The following LMBRD1 variants were observed in gnomAD, a reference collection of about 807,000 sequenced individuals.
The protein encoded by LMBRD1 is lysosomal cobalamin transport escort protein LMBD1.
In LMBRD1, 64 loss-of-function variants were observed where a neutral mutation model predicts 74.8. The ratio of observed to expected loss-of-function variants is 0.86; its 90% CI spans 0.70 to 1.05. The LOEUF (loss-of-function observed/expected upper bound fraction) is 1.05, where lower values mean the gene tolerates loss of function less well. Ranked by LOEUF, LMBRD1 falls within the 50% of genes least tolerant of loss-of-function variation. The pLI is 0.00. For synonymous variants in LMBRD1, 204 were observed against 216.3 expected (o/e 0.94, Z 0.50); for missense variants, 652 against 645.9 (o/e 1.01, Z -0.10).
rs1490146513 is a variant in LMBRD1, at chr6:69,726,719, C to T, written c.637-7638G>A. 2.7e-5 allele frequency among the ~76,000 whole-genome samples: 4 copies of T among 148,782 alleles called. No individual in the cohort carries two copies. The East Asian group carries it at 7.9e-4, about 29-fold the overall frequency. On this transcript the variant is annotated intron_variant, in intron 7 of 15. Transcript: ENST00000649934. ...GAAACAGAGAATTGAAGGATGGTTA[C>T]TAGAGGCTGGGAAGGGTAGTGAGGC...
intron 14 of LMBRD1, among the ~76,000 whole-genome samples, chr6:69,677,277 C>T (rs1765565777): frequency 6.6e-6 from 1 of 152,164 alleles, no homozygotes; most frequent in Non-Finnish European, 1.5e-5. Flanking sequence ...ACAGCATCCC[C>T]TCCTTCAAGG....
chr6:69,785,317 A>T (rs1297990605), intron 2 of LMBRD1, among the ~76,000 whole-genome samples: 1 of 152,178 alleles, frequency 6.6e-6, no homozygotes, highest in Admixed American at 6.5e-5. Context: ...CAGTCTTCCC[A>T]GCTGCTAGTC....
intron 6 of LMBRD1, 43 bp downstream of exon 6, chr6:69,741,746 G>T: frequency 8.5e-7 from 1 of 1,175,146 alleles, no homozygotes. Context: ...CAAAGTATCA[G>T]GAAATATAAA....
In LMBRD1 at chr6:69,701,497, A is replaced by T; in HGVS notation, c.1029T>A (p.Ile343=). Residue 343 remains isoleucine (I), a synonymous_variant, in exon 11 of 16, where the codon ATT becomes ATA. Transcript: ENST00000649934. ...GTGGATTACTCAGGTTAGCTCCAAA[A>T]ATTATGAAACCAGAATCTATTCCAG... ...HSAGIDSGFI[I]FGANLSNPLN... 1 of 1,608,970 alleles carries T rather than the reference A, an allele frequency of 6.2e-7. No homozygotes were observed.
rs535602194 is a variant in LMBRD1, at chr6:69,689,871, C to A, written c.1417+7692G>T. Among the ~76,000 whole-genome samples the A allele has an allele frequency of 3.3e-5, 5 of 152,096 alleles. No homozygotes were observed. The South Asian group carries it at 1.0e-3, about 32-fold the overall frequency. On this transcript the variant is annotated intron_variant, in intron 14 of 15. Coordinates refer to ENST00000649934, the MANE Select transcript of LMBRD1 (RefSeq NM_018368.4). Reference sequence around the variant, plus strand: ...GATATGCTGGAGTAGACAGGTAAATCTGAAAAATAACGAGAGAGAAAGCAG... The same window carrying A: ...GATATGCTGGAGTAGACAGGTAAATATGAAAAATAACGAGAGAGAAAGCAG...
At position 69,770,467 on chromosome 6, in the gene LMBRD1, T is replaced by C. The variant is rs978092670; in HGVS notation, c.307+10027A>G. 1.3e-5 allele frequency among the ~76,000 whole-genome samples: 2 copies of C among 152,198 alleles called. 1 individual carries two copies. The highest frequency in any genetic ancestry group is 4.1e-4 in the South Asian group (2 of 4,832). On this transcript the variant is annotated intron_variant, in intron 3 of 15. Transcript: ENST00000649934. Reference sequence around the variant, plus strand: ...TGTTTTCTGTTCAGTTTTGTCCAACTTCATATTTGTTTTCTGGTGAGAGAA... The same window carrying C: ...TGTTTTCTGTTCAGTTTTGTCCAACCTCATATTTGTTTTCTGGTGAGAGAA...
chr6:69,749,894 T>TATATGTG lies in LMBRD1; in HGVS notation c.406-487_406-486insCACATAT, dbSNP rs1354043857. ...TAAGTATATATACACATATACATAC[T>TATATGTG]CATATATACATATATAAGTATATAT... On this transcript the variant is annotated intron_variant, in intron 4 of 15. Coordinates refer to ENST00000649934, the MANE Select transcript of LMBRD1 (RefSeq NM_018368.4). 2.8e-3 allele frequency among the ~76,000 whole-genome samples: 328 copies of TATATGTG among 115,658 alleles called. 39 individuals are homozygous for TATATGTG. The highest frequency in any genetic ancestry group is 0.016 in the African/African-American group (277 of 17,078). The allele number at this position is 115,658 out of a possible 152,430, so 75.9% of individuals were successfully genotyped here.
chr6:69,793,066 T>C (rs1455953888), intron 1 of LMBRD1, among the ~76,000 whole-genome samples: 1 of 152,228 alleles, frequency 6.6e-6, no homozygotes, highest in Non-Finnish European at 1.5e-5. Context: ...AAGGATTAAA[T>C]GAGATATAAA....
Position 69,676,122 on chromosome 6 carries a change from C to A in LMBRD1, c.*36G>T. On this transcript the variant is annotated 3_prime_UTR_variant, in exon 16 of 16. Transcript: ENST00000649934. ...ACTTTAAAAATGCATAACAGATATT[C>A]AGTCAGCATTATAAAACCTTTAAGA... The A allele has an allele frequency of 6.7e-7, 1 of 1,484,988 alleles. No homozygotes were observed. The highest frequency in any genetic ancestry group is 1.1e-5 in the South Asian group (1 of 88,310). The allele number at this position is 1,484,988 out of a possible 1,614,324, so 92.0% of individuals were successfully genotyped here. A position where few individuals can be genotyped will look rare whatever the true frequency, so the allele number is the denominator to read the frequency against.
intron 14 of LMBRD1, among the ~76,000 whole-genome samples, chr6:69,686,530 A>G (rs1765767406): frequency 6.6e-6 from 1 of 152,226 alleles, no homozygotes; most frequent in Non-Finnish European, 1.5e-5. Flanking sequence ...TATTATAGAT[A>G]TTATCAAAAT....
intron 9 of LMBRD1, among the ~76,000 whole-genome samples, chr6:69,711,895 TG>T (rs1766390928): frequency 6.6e-6 from 1 of 152,078 alleles, no homozygotes; most frequent in African/African-American, 2.4e-5. Context: ...TAGGTAAACT[TG>T]CGTCATGGGG....
chr6:69,694,215 A>G (rs1420215491), intron 14 of LMBRD1, among the ~76,000 whole-genome samples: 1 of 152,142 alleles, frequency 6.6e-6, no homozygotes, highest in African/African-American at 2.4e-5. Context: ...TTATCAGTTC[A>G]ACATAATTTT....
intron 3 of LMBRD1, among the ~76,000 whole-genome samples, chr6:69,769,197 T>C (rs1331411849): frequency 6.6e-6 from 1 of 152,170 alleles, no homozygotes; most frequent in Non-Finnish European, 1.5e-5. Flanking sequence ...CTGATTTCTC[T>C]TTAATCTTTC....
chr6:69,778,449 C>G (rs1000425876), intron 3 of LMBRD1, among the ~76,000 whole-genome samples: 1 of 152,124 alleles, frequency 6.6e-6, no homozygotes, highest in Non-Finnish European at 1.5e-5. Context: ...ACTGAAAAAG[C>G]CTGCATGAAT....
intron 7 of LMBRD1, among the ~76,000 whole-genome samples, chr6:69,731,073 T>C (rs1218069550): frequency 6.6e-6 from 1 of 152,032 alleles, no homozygotes; most frequent in African/African-American, 2.4e-5. Context: ...AGCGAAAACA[T>C]GTGAAACTTG....
intron 14 of LMBRD1, among the ~76,000 whole-genome samples, chr6:69,690,535 T>C (rs925111424): frequency 1.1e-4 from 16 of 152,204 alleles, no homozygotes; most frequent in African/African-American, 3.9e-4. Context: ...AATAAATTCA[T>C]GCTTTTAGTT....
intron 7 of LMBRD1, among the ~76,000 whole-genome samples, chr6:69,725,385 C>T (rs1458156191): frequency 6.6e-6 from 1 of 150,400 alleles, no homozygotes; most frequent in African/African-American, 2.4e-5. Context: ...ACAAAACACA[C>T]ACCTAAAGTG....
intron 12 of LMBRD1, 84 bp from the exon 13 acceptor site, chr6:69,699,276 T>C: frequency 1.7e-6 from 2 of 1,186,610 alleles, no homozygotes; most frequent in South Asian, 1.2e-5. Flanking sequence ...TGGGAAATGA[T>C]TTACACAGTT....
chr6:69,718,880 G>A (rs1766550552), intron 8 of LMBRD1, 76 bp downstream of exon 8: 4 of 1,503,474 alleles, frequency 2.7e-6, no homozygotes, highest in African/African-American at 1.4e-5. Flanking sequence ...GGTTGACAAT[G>A]TCTAAGTCAT....
Sources: allele counts gnomAD v4.1 joint callset (sites outside exome capture counted in the v4.1 genomes callset), GRCh38; gene constraint gnomAD v4.1.1; transcripts MANE v1.5; gene names NCBI Gene and HGNC (gene_info 2026-07-23, HGNC 2026-07-21).